The following LMOD2 variants were observed in gnomAD, a reference collection of about 807,000 sequenced individuals.
LMOD2 encodes leiomodin-2.
A neutral mutation model predicts 41.7 loss-of-function variants in LMOD2; 27 were observed. That is an observed-to-expected ratio of 0.65 (90% CI 0.48 to 0.89). The LOEUF is 0.89. LMOD2 is among the 40% of genes least tolerant of loss of function. LMOD2 has a pLI of 0.00. For missense variants in LMOD2, 624 were observed against 667.9 expected, an observed-to-expected ratio of 0.93 and a Z score of 0.72; for synonymous variants, 251 against 244.6, an observed-to-expected ratio of 1.03 and a Z score of -0.25.
intron 1 of LMOD2, among the ~76,000 whole-genome samples, chr7:123,661,012 T>C (rs1802867535): frequency 6.6e-6 from 1 of 152,214 alleles, no homozygotes; most frequent in South Asian, 2.1e-4. Context: ...CCTGGTCTTC[T>C]ACAGTCTGTC....
At position 123,664,072 on chromosome 7, in the gene LMOD2, GTGGAT is replaced by G. The variant is rs900219535; in HGVS notation, c.*330_*334del. The G allele has an allele frequency of 7.9e-6, 2 of 252,836 alleles. No homozygotes were observed. Among genetic ancestry groups the G allele is most frequent in the African/African-American group, 2.2e-5 (1 of 45,040 alleles). 15.7% of individuals were successfully genotyped at this position (252,836 alleles called of 1,614,324 possible). On this transcript the variant is annotated 3_prime_UTR_variant, in exon 3 of 3. Transcript: ENST00000458573. ...TGTTATTTTTGTAATCTCAATAAAT[GTGGAT>G]TGAAGTTTTTTCCCTTTTTTTAAAG...
At position 123,663,423 on chromosome 7, in the gene LMOD2, A is replaced by G. The variant is rs2286831; in HGVS notation, c.1617+220A>G. 0.48 allele frequency: 301,050 copies of G among 628,256 alleles called. 73,929 individuals carry two copies. Among genetic ancestry groups the G allele is most frequent in the South Asian group, 0.66 (29,865 of 45,472 alleles). The allele number at this position is 628,256 out of a possible 1,614,324, so 38.9% of individuals were successfully genotyped here. On this transcript the variant is annotated intron_variant, in intron 2 of 2. Coordinates refer to ENST00000458573, the MANE Select transcript of LMOD2 (RefSeq NM_207163.3). ...CCTGGGCCGCTTTCCCAGCCTCTCAATCATATAAGGGCAAGGACCATTTTC... is the reference window on the plus strand; with the variant it reads ...CCTGGGCCGCTTTCCCAGCCTCTCAGTCATATAAGGGCAAGGACCATTTTC...
chr7:123,663,659 A>G (rs2116740012), intron 2 of LMOD2, 60 bp from the exon 3 acceptor site: 1 of 1,407,584 alleles, frequency 7.1e-7, no homozygotes, highest in Non-Finnish European at 9.9e-7. Flanking sequence ...CATATCCTAC[A>G]GATATTTTTC....
Position 123,656,024 on chromosome 7 carries a change from C to G in LMOD2, c.61C>G (p.Leu21Val). The G allele has an allele frequency of 6.2e-7, 1 of 1,609,968 alleles. No individual in the cohort carries two copies. The part of the protein sequence containing the change: ...SKYESIDEDE[L>V]LASLSAEELK... ...ATACGAATCCATCGACGAGGATGAA[C>G]TCCTCGCCTCCCTGTCAGCCGAGGA... The change falls in exon 1 of 3, where the codon CTC becomes GTC. Residue 21 changes from leucine to valine, a missense_variant. Physicochemically the swap from Leu to Val is conservative, Grantham distance 32. Coordinates refer to ENST00000458573, the MANE Select transcript of LMOD2 (RefSeq NM_207163.3).
In LMOD2 at chr7:123,662,998, G is replaced by C. The variant is rs61745020; in HGVS notation, c.1412G>C (p.Arg471Pro). ...ATCAAACAACAGGAGAGTGCCCAAC[G>C]GGCATTACAAAATGGACAAAAAAAG... ...EVIKQQESAQ[R>P]ALQNGQKKKK... The change falls in exon 2 of 3, where the codon CGG (arginine) becomes CCG (proline). Residue 471 changes from arginine (R) to proline (P), a missense_variant. Arg to Pro is a moderately radical substitution (Grantham distance 103). Coordinates refer to ENST00000458573, the MANE Select transcript of LMOD2 (RefSeq NM_207163.3). This position sits in a 1 kb window ranked among gnomAD's most constrained non-coding sequence, Gnocchi z 4.0. The C allele has an allele frequency of 3.2e-6, 5 of 1,552,514 alleles. No individual in the cohort carries two copies. In the South Asian group the frequency reaches 6.0e-5, roughly 18 times the overall value.
intron 1 of LMOD2, among the ~76,000 whole-genome samples, chr7:123,659,539 G>A (rs1162956083): frequency 6.6e-6 from 1 of 152,170 alleles, no homozygotes. Context: ...AACTGGGAGG[G>A]TTTATCACCT....
intron 1 of LMOD2, among the ~76,000 whole-genome samples, chr7:123,660,929 C>T (rs1165390426): frequency 6.6e-6 from 1 of 152,142 alleles, no homozygotes; most frequent in Admixed American, 6.5e-5. Context: ...TCAAGATTTT[C>T]TGCTGTTCTC....
In LMOD2 at chr7:123,662,947, T is replaced by C; in HGVS notation, c.1361T>C (p.Leu454Pro). Residue 454 changes from leucine to proline, a missense_variant, in exon 2 of 3, where the codon CTC becomes CCC. Coordinates refer to ENST00000458573, the MANE Select transcript of LMOD2 (RefSeq NM_207163.3). The surrounding 1 kb of genome is among the most constrained non-coding windows in gnomAD (Gnocchi z 4.0). ...PPPPPLPEKK[L>P]ITRNIAEVIK... ...CCTCCTCCACTCCCAGAGAAAAAGC[T>C]CATTACCAGAAACATTGCAGAAGTC... is the stretch of plus-strand genomic sequence containing the variant. 6.5e-7 allele frequency: 1 copy of C among 1,526,848 alleles called. No homozygotes were observed. The highest frequency in any genetic ancestry group is 8.8e-7 in the Non-Finnish European group (1 of 1,136,566). 94.6% of individuals were successfully genotyped at this position (1,526,848 alleles called of 1,614,324 possible).
In LMOD2 at chr7:123,662,290, C is replaced by A. The variant is rs758325342; in HGVS notation, c.704C>A (p.Ala235Asp). 5 of 1,614,022 alleles carry A rather than the reference C, an allele frequency of 3.1e-6. No individual in the cohort carries two copies. Among genetic ancestry groups the A allele is most frequent in the Non-Finnish European group, 4.2e-6 (5 of 1,179,894 alleles). The change falls in exon 2 of 3, where the codon GCC (alanine) becomes GAC (aspartate). Residue 235 changes from alanine to aspartate, a missense_variant. By Grantham distance (126) the Ala-to-Asp change is moderately radical. Transcript: ENST00000458573. This position sits in a 1 kb window ranked among gnomAD's most constrained non-coding sequence, Gnocchi z 4.0. ...TTQTLTRFAE[A>D]LKDNTVVKTF... ...CAGACCCTTACCCGCTTTGCTGAAG[C>A]CCTCAAGGACAACACTGTGGTGAAG...
chr7:123,655,910 C>A lies in LMOD2; in HGVS notation c.-54C>A. 6.6e-7 allele frequency: 1 copy of A among 1,524,414 alleles called. No homozygotes were observed. Among genetic ancestry groups the A allele is most frequent in the Non-Finnish European group, 8.8e-7 (1 of 1,135,306 alleles). The allele number at this position is 1,524,414 out of a possible 1,614,324, so 94.4% of individuals were successfully genotyped here. ...ACTTGCCTCCCTGCCTGCTTCTGGC[C>A]GCCTTGAATGCCTGGTCCTTCAAGC... On this transcript the variant is annotated 5_prime_UTR_variant, in exon 1 of 3. Transcript: ENST00000458573.
intron 1 of LMOD2, among the ~76,000 whole-genome samples, chr7:123,656,565 CATA>C (rs1237459972): frequency 7.9e-5 from 12 of 152,130 alleles, no homozygotes; most frequent in Admixed American, 2.6e-4. Context: ...GGTAATGTGG[CATA>C]ATATTTGTTC....
In LMOD2 at chr7:123,662,662, G is replaced by A. The variant is rs752055839; in HGVS notation, c.1076G>A (p.Arg359His). ...TRNMDKQRQK[R>H]LQEQKQQEGY... ...AATATGGATAAACAGAGGCAAAAAC[G>A]TTTGCAGGAGCAAAAACAGCAGGAG... The change falls in exon 2 of 3, where the codon CGT (arginine) becomes CAT (histidine). Residue 359 changes from arginine to histidine, a missense_variant. By Grantham distance (29) the Arg-to-His change is conservative (BLOSUM62 0). Transcript: ENST00000458573. The surrounding 1 kb of genome is among the most constrained non-coding windows in gnomAD (Gnocchi z 4.0). 5.0e-6 allele frequency: 8 copies of A among 1,613,884 alleles called. No individual in the cohort carries two copies. Among genetic ancestry groups the A allele is most frequent in the African/African-American group, 2.7e-5 (2 of 74,934 alleles).
intron 2 of LMOD2, chr7:123,663,430 A>G: frequency 1.6e-6 from 1 of 617,192 alleles, no homozygotes; most frequent in South Asian, 2.2e-5. Flanking sequence ...TCAATCATAT[A>G]AGGGCAAGGA....
In LMOD2 at chr7:123,662,884, C is replaced by T. The variant is rs1400730229; in HGVS notation, c.1298C>T (p.Pro433Leu). Residue 433 changes from proline (P) to leucine (L), a missense_variant, in exon 2 of 3, where the codon CCT becomes CTT. Transcript: ENST00000458573. This position sits in a 1 kb window ranked among gnomAD's most constrained non-coding sequence, Gnocchi z 4.0. The part of the protein sequence containing the change: ...PPPPPPPPPP[P>L]SSQRLPPPPP... ...CCCCCTCCTCCTCCTCCTCCCCCTC[C>T]TTCTTCCCAAAGGCTGCCACCACCT... 3.9e-6 allele frequency: 6 copies of T among 1,555,206 alleles called. No individual in the cohort carries two copies. Among genetic ancestry groups the T allele is most frequent in the Non-Finnish European group, 5.2e-6 (6 of 1,150,832 alleles).
chr7:123,662,870 T>A lies in LMOD2; in HGVS notation c.1284T>A (p.Pro428=). The A allele has an allele frequency of 8.4e-7, 1 of 1,185,686 alleles. No individual in the cohort carries two copies. Among genetic ancestry groups the A allele is most frequent in the Non-Finnish European group, 1.1e-6 (1 of 879,224 alleles). The allele number at this position is 1,185,686 out of a possible 1,614,324, so 73.4% of individuals were successfully genotyped here. ...CACCTCCTCCTCCTCCCCCTCCTCC[T>A]CCTCCTCCCCCTCCTTCTTCCCAAA... ...VATPPPPPPP[P]PPPPPSSQRL... is the part of the protein sequence containing the mutation. The change falls in exon 2 of 3, where the codon CCT becomes CCA. Residue 428 remains proline, a synonymous_variant. Transcript: ENST00000458573. The surrounding 1 kb of genome is among the most constrained non-coding windows in gnomAD (Gnocchi z 4.0).
At chr7:123,663,628 C>T (rs1218211725) in intron 2 of LMOD2, 91 bp from the exon 3 acceptor site, 17 of 1,091,546 alleles carry the variant, frequency 1.6e-5, no homozygotes, top group Middle Eastern at 2.0e-4. Flanking sequence ...CTGAGTTCTT[C>T]TCAGAGGATA....
chr7:123,663,869 C>A lies in LMOD2; in HGVS notation c.*124C>A. The A allele has an allele frequency of 1.4e-6, 1 of 718,704 alleles. No individual in the cohort carries two copies. Among genetic ancestry groups the A allele is most frequent in the Non-Finnish European group, 2.3e-6 (1 of 437,562 alleles). 44.5% of individuals were successfully genotyped at this position (718,704 alleles called of 1,614,324 possible). Reference sequence around the variant, plus strand: ...CCCTGACTTTAAAAATAATCTCACCCATTAATTCCAAAGAGAATCTTAAGA... The same window carrying A: ...CCCTGACTTTAAAAATAATCTCACCAATTAATTCCAAAGAGAATCTTAAGA... On this transcript the variant is annotated 3_prime_UTR_variant, in exon 3 of 3. Transcript: ENST00000458573.
At chr7:123,663,455 G>A (rs1217717272) in intron 2 of LMOD2, 4 of 601,154 alleles carry the variant, frequency 6.7e-6, no homozygotes, top group South Asian at 2.2e-5. Context: ...TTTCATACAC[G>A]TCCCAATTCC....
intron 2 of LMOD2, 145 bp downstream of exon 2, chr7:123,663,348 A>C: frequency 9.6e-7 from 1 of 1,043,082 alleles, no homozygotes; most frequent in Non-Finnish European, 1.4e-6. Flanking sequence ...CCAAGTTTGA[A>C]ACATTAGGAG....
Sources: allele counts gnomAD v4.1 joint callset (sites outside exome capture counted in the v4.1 genomes callset), GRCh38; gene constraint gnomAD v4.1.1; non-coding constraint Gnocchi (gnomAD v3.1); transcripts MANE v1.5; gene names NCBI Gene and HGNC (gene_info 2026-07-23, HGNC 2026-07-21).